The following MED17 variants were observed in gnomAD, a reference collection of about 807,000 sequenced individuals.
MED17 encodes mediator complex subunit 17.
A neutral mutation model predicts 80.8 loss-of-function variants in MED17; 49 were observed. That is an observed-to-expected ratio of 0.61 (90% CI 0.48 to 0.77). MED17 has a LOEUF of 0.77. Ranked by LOEUF, MED17 falls within the 30% of genes least tolerant of loss-of-function variation. MED17 has a pLI of 0.00. For synonymous variants in MED17, 281 were observed against 280.4 expected (o/e 1.00, Z -0.02); for missense variants, 718 against 787.0 (o/e 0.91, Z 1.05).
chr11:93,786,229 G>A (rs1339831845), intron 1 of MED17, among the ~76,000 whole-genome samples: 6 of 152,078 alleles, frequency 3.9e-5, no homozygotes, highest in Non-Finnish European at 8.8e-5. Flanking sequence ...TAGGCCAAAG[G>A]TATCTGAAGG....
At position 93,795,079 on chromosome 11, in the gene MED17, C is replaced by T. The variant is rs780488041; in HGVS notation, c.1012+19C>T. The T allele has an allele frequency of 3.1e-6, 5 of 1,613,842 alleles. No individual in the cohort carries two copies. Among genetic ancestry groups the T allele is most frequent in the East Asian group, 4.5e-5 (2 of 44,858 alleles). ...TTTCCGAGTAAGAGCAGCCCTTTTTCGACTTTATGAACAGGACTTTGTGTT... is the reference window on the plus strand; with the variant it reads ...TTTCCGAGTAAGAGCAGCCCTTTTTTGACTTTATGAACAGGACTTTGTGTT... On this transcript the variant is annotated intron_variant, in intron 6 of 11. Coordinates refer to ENST00000251871, the MANE Select transcript of MED17 (RefSeq NM_004268.5).
chr11:93,802,357 C>T (rs1591388632), intron 9 of MED17, among the ~76,000 whole-genome samples: 1 of 152,160 alleles, frequency 6.6e-6, no homozygotes, highest in East Asian at 1.9e-4. Flanking sequence ...GTCTTGGCCT[C>T]CCAAAGTGCT....
At chr11:93,784,839 T>TG in intron 1 of MED17, 76 bp downstream of exon 1, 1 of 1,517,970 alleles carries the variant, frequency 6.6e-7, no homozygotes, top group Admixed American at 2.0e-5. Context: ...TCTCCCGCGA[T>TG]GGGGGTGATC....
At chr11:93,794,136 G>T in intron 5 of MED17, 101 bp downstream of exon 5, 1 of 944,300 alleles carries the variant, frequency 1.1e-6, no homozygotes, top group Non-Finnish European at 1.7e-6. Context: ...ATAGTTTGAA[G>T]TAAGAACAAT....
chr11:93,810,958 C>G (rs1944080693), intron 11 of MED17: 1 of 152,262 alleles, frequency 6.6e-6, no homozygotes, highest in Non-Finnish European at 1.5e-5. Context: ...CTACTACATG[C>G]ACATCTAGGC....
In MED17 at chr11:93,813,587, T is replaced by C. The variant is rs187101541; in HGVS notation, c.*1523T>C. On this transcript the variant is annotated 3_prime_UTR_variant, in exon 12 of 12. Transcript: ENST00000251871. ...GAGACTTTTGCTGAATGACCAGTTT[T>C]TGTTTATATAAACTTCTCCCATTGC... The C allele has an allele frequency of 1.3e-4, 20 of 152,338 alleles. 1 individual carries two copies. The highest frequency in any genetic ancestry group is 3.9e-4 in the Admixed American group (6 of 15,304). 9.4% of individuals were successfully genotyped at this position (152,338 alleles called of 1,614,324 possible).
rs1943827160 is a variant in MED17 at position 93,790,795 on chromosome 11, TA to T, written c.637+3del. The T allele has an allele frequency of 1.9e-6, 3 of 1,611,982 alleles. No homozygotes were observed. In the African/African-American group the frequency reaches 4.0e-5, roughly 22 times the overall value. ...GAGATCTGAGCTACAGAAGTGCAGG[TA>T]TGAATAATTATTAAAAACTATACTT... On this transcript the variant is annotated splice_donor_region_variant and intron_variant, in intron 3 of 11. Coordinates refer to ENST00000251871, the MANE Select transcript of MED17 (RefSeq NM_004268.5).
chr11:93,812,123 A>G lies in MED17; in HGVS notation c.*59A>G. On this transcript the variant is annotated 3_prime_UTR_variant, in exon 12 of 12. Coordinates refer to ENST00000251871, the MANE Select transcript of MED17 (RefSeq NM_004268.5). The stretch of plus-strand genomic sequence containing the variant: ...AAACTTTGACTTGAAATGTTTGCAG[A>G]TCAACTATAAGCACAAAGAAGAGAT... The G allele has an allele frequency of 1.4e-6, 2 of 1,384,484 alleles. No homozygotes were observed. Among genetic ancestry groups the G allele is most frequent in the Admixed American group, 3.4e-5 (2 of 59,650 alleles). The allele number at this position is 1,384,484 out of a possible 1,614,324, so 85.8% of individuals were successfully genotyped here. A position where few individuals can be genotyped will look rare whatever the true frequency, so the allele number is the denominator to read the frequency against.
chr11:93,805,684 C>G (rs1330424658), intron 9 of MED17, among the ~76,000 whole-genome samples: 1 of 152,088 alleles, frequency 6.6e-6, no homozygotes, highest in Non-Finnish European at 1.5e-5. Context: ...GATAAGAAAC[C>G]CTGTTCCTTC....
At position 93,784,749 on chromosome 11, in the gene MED17, A is replaced by G. The variant is rs1384704006; in HGVS notation, c.236A>G (p.Gln79Arg). The change falls in exon 1 of 12, where the codon CAG (glutamine) becomes CGG (arginine). Residue 79 changes from glutamine to arginine, a missense_variant. Transcript: ENST00000251871. The part of the protein sequence containing the change: ...EWPGAGSSAD[Q>R]DDEEGVVKFQ... ...CCGGGCGCCGGGTCCAGCGCAGACCAGGACGACGAGGAAGGTAAGGCCTGC... is the reference window on the plus strand; with the variant it reads ...CCGGGCGCCGGGTCCAGCGCAGACCGGGACGACGAGGAAGGTAAGGCCTGC... 8.4e-6 allele frequency: 13 copies of G among 1,540,450 alleles called. No homozygotes were observed. Among genetic ancestry groups the G allele is most frequent in the African/African-American group, 2.7e-5 (2 of 73,506 alleles).
intron 6 of MED17, 172 bp downstream of exon 6, chr11:93,795,232 T>C (rs1400542238): frequency 2.5e-6 from 2 of 787,204 alleles, no homozygotes; most frequent in Non-Finnish European, 2.2e-6. Flanking sequence ...GTGGAATCTG[T>C]TCTGTCCTAA....
chr11:93,786,089 C>T (rs1159337737), intron 1 of MED17, among the ~76,000 whole-genome samples: 1 of 152,232 alleles, frequency 6.6e-6, no homozygotes, highest in Non-Finnish European at 1.5e-5. Flanking sequence ...GAAAAGATGC[C>T]ATAAGCAAAG....
chr11:93,795,709 C>A (rs942462393), intron 6 of MED17: 1 of 153,374 alleles, frequency 6.5e-6, no homozygotes, highest in Non-Finnish European at 1.4e-5. Flanking sequence ...TAAGGACTGT[C>A]GTCTTAGAAG....
At chr11:93,796,601 A>G in intron 7 of MED17, 61 bp downstream of exon 7, 1 of 1,581,850 alleles carries the variant, frequency 6.3e-7, no homozygotes, top group South Asian at 1.1e-5. Flanking sequence ...GTGAGTATGC[A>G]CAAAGCTCCT....
At chr11:93,796,788 G>A in intron 7 of MED17, 1 of 455,388 alleles carries the variant, frequency 2.2e-6, no homozygotes, top group South Asian at 2.0e-5. Flanking sequence ...GAAACATGAT[G>A]CTAAAGTGCA....
chr11:93,803,993 GTGTGTGTATATATA>G lies in MED17; in HGVS notation c.1466+2023_1466+2036del, dbSNP rs796153527. Among the ~76,000 whole-genome samples, 5 of 2,318 alleles carry G rather than the reference GTGTGTGTATATATA, an allele frequency of 2.2e-3. No individual in the cohort carries two copies. In the East Asian group the frequency reaches 0.044, roughly 20 times the overall value. 1.5% of individuals were successfully genotyped at this position (2,318 alleles called of 152,430 possible). A position where few individuals can be genotyped will look rare whatever the true frequency, so the allele number is the denominator to read the frequency against. Reference sequence around the variant, plus strand: ...TATATGTGTGTGTGTGTGTATATATGTGTGTGTATATATATATATATATATATATATATACACAC... The same window carrying G: ...TATATGTGTGTGTGTGTGTATATATGTATATATATATATATATATACACAC... On this transcript the variant is annotated intron_variant, in intron 9 of 11. Transcript: ENST00000251871.
intron 8 of MED17, chr11:93,800,856 T>C (rs774355239): frequency 3.9e-5 from 6 of 152,150 alleles, no homozygotes; most frequent in Non-Finnish European, 7.3e-5. Context: ...AGGTTTGTTT[T>C]GAACTCCTGG....
In MED17 at chr11:93,813,367, C is replaced by G. The variant is rs1401350749; in HGVS notation, c.*1303C>G. 1 of 152,164 alleles carries G rather than the reference C, an allele frequency of 6.6e-6. No homozygotes were observed. The highest frequency in any genetic ancestry group is 2.1e-4 in the South Asian group (1 of 4,824). The allele number at this position is 152,164 out of a possible 1,614,324, so 9.4% of individuals were successfully genotyped here. On this transcript the variant is annotated 3_prime_UTR_variant, in exon 12 of 12. Coordinates refer to ENST00000251871, the MANE Select transcript of MED17 (RefSeq NM_004268.5). Reference sequence around the variant, plus strand: ...CTTTGTGCTTTTTTCCCCTTCTGATCAAGATCTTGCATCTTTCTATCCATG... The same window carrying G: ...CTTTGTGCTTTTTTCCCCTTCTGATGAAGATCTTGCATCTTTCTATCCATG...
chr11:93,784,315 C>G lies in MED17; in HGVS notation c.-199C>G. 1 of 686,542 alleles carries G rather than the reference C, an allele frequency of 1.5e-6. No individual in the cohort carries two copies. Among genetic ancestry groups the G allele is most frequent in the Non-Finnish European group, 2.3e-6 (1 of 426,122 alleles). 42.5% of individuals were successfully genotyped at this position (686,542 alleles called of 1,614,324 possible). On this transcript the variant is annotated 5_prime_UTR_variant, in exon 1 of 12. Transcript: ENST00000251871. The stretch of plus-strand genomic sequence containing the variant: ...TCCGAAAGACTTACCGAGGAGGGAG[C>G]TTGCGGTGCGTTCTGGGAAAGTTGC...
Sources: allele counts gnomAD v4.1 joint callset (sites outside exome capture counted in the v4.1 genomes callset), GRCh38; gene constraint gnomAD v4.1.1; transcripts MANE v1.5; gene names NCBI Gene and HGNC (gene_info 2026-07-23, HGNC 2026-07-21).